The following MEIS2 variants were observed in gnomAD, a reference collection of about 807,000 sequenced individuals.
The protein encoded by MEIS2 is homeobox protein Meis2.
MEIS2 carries 9 observed loss-of-function variants against 58.6 expected under a neutral mutation model. That is an observed-to-expected ratio of 0.15 (90% CI 0.09 to 0.27). The LOEUF (loss-of-function observed/expected upper bound fraction) is 0.27, where lower values mean the gene tolerates loss of function less well. Among genes scored for constraint, MEIS2 ranks in the 10% least tolerant of loss-of-function variants. The pLI, the probability that MEIS2 is intolerant of heterozygous loss-of-function variation, is 1.00. For missense variants in MEIS2, 427 were observed against 635.0 expected, an observed-to-expected ratio of 0.67 and a Z score of 3.52; for synonymous variants, 221 against 228.4, an observed-to-expected ratio of 0.97 and a Z score of 0.29.
At chr15:37,086,507 G>A (rs943851190) in intron 6 of MEIS2, among the ~76,000 whole-genome samples, 3 of 152,152 alleles carry the variant, frequency 2.0e-5, no homozygotes, top group African/African-American at 7.2e-5. Flanking sequence ...TGGGTCTTTG[G>A]TTTTCTGCCC....
chr15:36,984,856 GT>G (rs1177983893), intron 8 of MEIS2, among the ~76,000 whole-genome samples: 1 of 151,858 alleles, frequency 6.6e-6, no homozygotes, highest in Non-Finnish European at 1.5e-5. Context: ...TTTCTTTTAG[GT>G]TATTTAATTT....
intron 7 of MEIS2, among the ~76,000 whole-genome samples, chr15:37,077,315 C>G (rs1307771477): frequency 2.0e-5 from 3 of 152,070 alleles, no homozygotes; most frequent in Admixed American, 6.6e-5. Context: ...GCGTTAAAAC[C>G]AGAGCTCATT....
intron 4 of MEIS2, 78 bp from the exon 5 acceptor site, chr15:37,094,655 G>T: frequency 8.0e-7 from 1 of 1,255,330 alleles, no homozygotes; most frequent in Non-Finnish European, 1.1e-6. Flanking sequence ...GTGGGGTGAG[G>T]ATGGTGGTGA....
chr15:36,971,536 T>TAAAAAAAAAAAAAAAAAAAAAAAAAAA lies in MEIS2; in HGVS notation c.901-21137_901-21136insTTTTTTTTTTTTTTTTTTTTTTTTTTT, dbSNP rs1567126001. On this transcript the variant is annotated intron_variant, in intron 8 of 11. Transcript: ENST00000561208. ...TGTATTACTTGTATGCCTTGTTACA[T>TAAAAAAAAAAAAAAAAAAAAAAAAAAA]TAAAAAAAAAAAAAAAAAAAAAAAA... Among the ~76,000 whole-genome samples, 13 of 65,422 alleles carry TAAAAAAAAAAAAAAAAAAAAAAAAAAA rather than the reference T, an allele frequency of 2.0e-4. 2 individuals are homozygous for TAAAAAAAAAAAAAAAAAAAAAAAAAAA. The highest frequency in any genetic ancestry group is 2.5e-4 in the Non-Finnish European group (10 of 39,680). The allele number at this position is 65,422 out of a possible 152,430, so 42.9% of individuals were successfully genotyped here. A position where few individuals can be genotyped will look rare whatever the true frequency, so the allele number is the denominator to read the frequency against.
intron 8 of MEIS2, among the ~76,000 whole-genome samples, chr15:36,971,636 C>A (rs1312985906): frequency 2.0e-5 from 3 of 147,146 alleles, no homozygotes; most frequent in Non-Finnish European, 4.5e-5. Flanking sequence ...ATGGAGCCTT[C>A]ATAACACAAA....
intron 8 of MEIS2, among the ~76,000 whole-genome samples, chr15:37,009,320 T>C (rs1485911501): frequency 2.0e-5 from 3 of 152,044 alleles, no homozygotes; most frequent in East Asian, 1.9e-4. Context: ...AAAAATAAGA[T>C]GTCAACTTGA....
chr15:36,931,443 T>C (rs2057974765), intron 9 of MEIS2, among the ~76,000 whole-genome samples: 1 of 152,182 alleles, frequency 6.6e-6, no homozygotes, highest in Non-Finnish European at 1.5e-5. Flanking sequence ...ACTTTTAAAA[T>C]ATGGAATGGA....
At chr15:37,074,999 C>T (rs1178554288) in intron 7 of MEIS2, among the ~76,000 whole-genome samples, 1 of 151,972 alleles carries the variant, frequency 6.6e-6, no homozygotes, top group East Asian at 1.9e-4. Flanking sequence ...AAATCGACAA[C>T]AGGAGGTGGG....
At chr15:36,992,100 T>G (rs1397345993) in intron 8 of MEIS2, among the ~76,000 whole-genome samples, 1 of 152,112 alleles carries the variant, frequency 6.6e-6, no homozygotes, top group Non-Finnish European at 1.5e-5. Context: ...AAGTGTTAAT[T>G]TTCAATCGAA....
intron 8 of MEIS2, among the ~76,000 whole-genome samples, chr15:37,001,695 T>C (rs1485466148): frequency 1.3e-5 from 2 of 152,214 alleles, no homozygotes; most frequent in Non-Finnish European, 2.9e-5. Flanking sequence ...CCCTAAGGCC[T>C]TCAAGATTTG....
chr15:37,066,733 G>A (rs966345182), intron 7 of MEIS2, among the ~76,000 whole-genome samples: 2 of 152,154 alleles, frequency 1.3e-5, no homozygotes, highest in African/African-American at 4.8e-5. Context: ...ACAGAAATGT[G>A]AGTCCATGAG....
Position 37,049,446 on chromosome 15 carries a change from A to T in MEIS2, c.755-12487T>A, listed in dbSNP as rs562088281. Among the ~76,000 whole-genome samples, 4 of 152,002 alleles carry T rather than the reference A, an allele frequency of 2.6e-5. No individual in the cohort carries two copies. In the East Asian group the frequency reaches 7.8e-4, roughly 29 times the overall value. ...ATGAATTGCATAATATGTGAATTAT[A>T]TCTCAATAAAGTTGTGGTTTTGTTT... is the stretch of plus-strand genomic sequence containing the variant. On this transcript the variant is annotated intron_variant, in intron 7 of 11. Coordinates refer to ENST00000561208, the MANE Select transcript of MEIS2 (RefSeq NM_170675.5).
chr15:37,093,827 C>G (rs1408844205), intron 5 of MEIS2, 97 bp from the exon 6 acceptor site: 32 of 1,517,578 alleles, frequency 2.1e-5, no homozygotes, highest in Non-Finnish European at 2.8e-5. Flanking sequence ...TGCAAGGTTA[C>G]ATTTGCAAAG....
chr15:37,061,191 C>T (rs1889168670), intron 7 of MEIS2, among the ~76,000 whole-genome samples: 1 of 152,124 alleles, frequency 6.6e-6, no homozygotes, highest in African/African-American at 2.4e-5. Flanking sequence ...TAAACCTTCT[C>T]ACTGGGTGCA....
intron 7 of MEIS2, among the ~76,000 whole-genome samples, chr15:37,068,357 C>T (rs1348311765): frequency 6.6e-6 from 1 of 152,192 alleles, no homozygotes; most frequent in African/African-American, 2.4e-5. Context: ...CTAATAAATG[C>T]ATCACAGATT....
intron 8 of MEIS2, among the ~76,000 whole-genome samples, chr15:36,957,745 A>G (rs2059034285): frequency 6.6e-6 from 1 of 152,176 alleles, no homozygotes; most frequent in Admixed American, 6.5e-5. Context: ...AGTATTTCCT[A>G]CAGAACAAGT....
chr15:37,093,659 G>C lies in MEIS2; in HGVS notation c.561C>G (p.Leu187=), dbSNP rs1596125884. ...AGCTGCCGTCTCTTTCATCAATGAC[G>C]AGGTCGATGGGCATTTTCCCCTTCA... ...SCLKGKMPID[L]VIDERDGSSK... The change falls in exon 6 of 12, where the codon CTC becomes CTG. Residue 187 remains leucine (L), a synonymous_variant. Coordinates refer to ENST00000561208, the MANE Select transcript of MEIS2 (RefSeq NM_170675.5). 1.2e-6 allele frequency: 2 copies of C among 1,614,178 alleles called. No individual in the cohort carries two copies. Among genetic ancestry groups the C allele is most frequent in the Non-Finnish European group, 8.5e-7 (1 of 1,180,048 alleles).
chr15:37,000,467 T>C lies in MEIS2; in HGVS notation c.900+36347A>G, dbSNP rs532321722. 3.4e-4 allele frequency among the ~76,000 whole-genome samples: 52 copies of C among 152,252 alleles called. No homozygotes were observed. In the South Asian group the frequency reaches 0.011, roughly 32 times the overall value. ...CCCCTACACTGAAAATGGCCAAGCT[T>C]TTCATGTTTCCCAAGGAGCAAACCC... On this transcript the variant is annotated intron_variant, in intron 8 of 11. Coordinates refer to ENST00000561208, the MANE Select transcript of MEIS2 (RefSeq NM_170675.5).
chr15:37,063,166 A>G (rs2141846836), intron 7 of MEIS2, among the ~76,000 whole-genome samples: 1 of 152,276 alleles, frequency 6.6e-6, no homozygotes, highest in South Asian at 2.1e-4. Flanking sequence ...TCTAGCCCAT[A>G]TTTTAGGTCT....
Sources: allele counts gnomAD v4.1 joint callset (sites outside exome capture counted in the v4.1 genomes callset), GRCh38; gene constraint gnomAD v4.1.1; transcripts MANE v1.5; gene names NCBI Gene and HGNC (gene_info 2026-07-23, HGNC 2026-07-21).